Variants in TSPAN18 observed in about 807,000 individuals in gnomAD.
TSPAN18 encodes the protein tetraspanin 18, also known as tetraspanin-18.
TSPAN18 carries 14 observed loss-of-function variants against 27.3 expected under a neutral mutation model. The ratio of observed to expected loss-of-function variants is 0.51; its 90% CI spans 0.34 to 0.80. The LOEUF (loss-of-function observed/expected upper bound fraction) is 0.80. Ranked by LOEUF, TSPAN18 falls within the 30% of genes least tolerant of loss-of-function variation. The probability of loss-of-function intolerance (pLI) is 0.01; values close to 1 mark genes in which losing one functional copy is unlikely to be tolerated. For missense variants in TSPAN18, 268 were observed against 323.9 expected, an observed-to-expected ratio of 0.83 and a Z score of 1.32; for synonymous variants, 143 against 136.5, an observed-to-expected ratio of 1.05 and a Z score of -0.33.
At chr11:44,737,864 ACTC>A (rs1433844255) in intron 1 of TSPAN18, among the ~76,000 whole-genome samples, 2 of 149,990 alleles carry the variant, frequency 1.3e-5, no homozygotes, top group Non-Finnish European at 3.0e-5. Context: ...TAGTTACCTG[ACTC>A]CTCCTCATCC....
intron 2 of TSPAN18, among the ~76,000 whole-genome samples, chr11:44,838,089 C>T (rs948440917): frequency 2.6e-5 from 4 of 152,100 alleles, no homozygotes; most frequent in East Asian, 1.9e-4. Flanking sequence ...ATGTCCCAAT[C>T]GCTGGAACCT....
At chr11:44,903,176 T>G (rs1024202181) in intron 3 of TSPAN18, among the ~76,000 whole-genome samples, 1 of 151,378 alleles carries the variant, frequency 6.6e-6, no homozygotes, top group Non-Finnish European at 1.5e-5. Flanking sequence ...GGGAAGGCAC[T>G]GAGCTTGGCT....
intron 1 of TSPAN18, among the ~76,000 whole-genome samples, chr11:44,754,432 C>T (rs138291977): frequency 3.3e-5 from 5 of 152,308 alleles, no homozygotes; most frequent in East Asian, 1.9e-4. Context: ...ATTGCATCCA[C>T]GTGGAGTTCA....
chr11:44,863,068 C>T (rs1355533059), intron 3 of TSPAN18, among the ~76,000 whole-genome samples: 1 of 152,110 alleles, frequency 6.6e-6, no homozygotes, highest in Non-Finnish European at 1.5e-5. Flanking sequence ...TCAAGACATC[C>T]AAGGTAAAGA....
chr11:44,825,214 A>T (rs185489830), intron 2 of TSPAN18, among the ~76,000 whole-genome samples: 1 of 152,090 alleles, frequency 6.6e-6, no homozygotes, highest in African/African-American at 2.4e-5. Context: ...AAACTGAAGG[A>T]CACGTAGAAG....
chr11:44,923,211 C>T (rs1860210299), intron 8 of TSPAN18, among the ~76,000 whole-genome samples: 3 of 152,094 alleles, frequency 2.0e-5, no homozygotes, highest in South Asian at 2.1e-4. Context: ...TGGAGATGTA[C>T]GTGTGGGAAG....
chr11:44,922,041 G>A (rs574916377), intron 8 of TSPAN18, among the ~76,000 whole-genome samples: 62 of 151,792 alleles, frequency 4.1e-4, no homozygotes, highest in African/African-American at 9.9e-4. Flanking sequence ...ATTTCGTCCC[G>A]TTAAAAATCT....
chr11:44,755,183 G>A (rs897813853), intron 1 of TSPAN18, among the ~76,000 whole-genome samples: 10 of 152,236 alleles, frequency 6.6e-5, no homozygotes, highest in East Asian at 3.9e-4. Flanking sequence ...GGCTCAGATC[G>A]GAAGGCCCAT....
chr11:44,736,578 G>T (rs1451022121), intron 1 of TSPAN18: 1 of 152,138 alleles, frequency 6.6e-6, no homozygotes, highest in African/African-American at 2.4e-5. Flanking sequence ...GAATAGGGGG[G>T]GTCCCTGGGA....
At chr11:44,883,247 T>C (rs1184956751) in intron 3 of TSPAN18, among the ~76,000 whole-genome samples, 1 of 152,238 alleles carries the variant, frequency 6.6e-6, no homozygotes, top group East Asian at 1.9e-4. Context: ...ATGACGAGGC[T>C]GGCTCATCAA....
chr11:44,822,491 C>T (rs2135123965), intron 2 of TSPAN18, among the ~76,000 whole-genome samples: 1 of 151,902 alleles, frequency 6.6e-6, no homozygotes, highest in African/African-American at 2.4e-5. Flanking sequence ...AAAGAGGGCT[C>T]ACTTATTTTC....
rs1483076631 is a variant in TSPAN18 at position 44,807,225 on chromosome 11, AAAAAAAAAAAAG to A, written c.-153+42716_-153+42727del. ...AAAAAAAAAAAAAAAAAAAAAAAAA[AAAAAAAAAAAAG>A]AAGGAAAGAGGCCAGGCACCGTGGC... On this transcript the variant is annotated intron_variant, in intron 2 of 9. Transcript: ENST00000520358. 1.3e-3 allele frequency among the ~76,000 whole-genome samples: 30 copies of A among 23,180 alleles called. 3 individuals are homozygous for A. Among genetic ancestry groups the A allele is most frequent in the African/African-American group, 1.9e-3 (28 of 14,478 alleles). 15.2% of individuals were successfully genotyped at this position (23,180 alleles called of 152,430 possible). A position where few individuals can be genotyped will look rare whatever the true frequency, so the allele number is the denominator to read the frequency against.
At chr11:44,887,751 G>C (rs1393397651) in intron 3 of TSPAN18, among the ~76,000 whole-genome samples, 1 of 152,138 alleles carries the variant, frequency 6.6e-6, no homozygotes, top group Non-Finnish European at 1.5e-5. Context: ...AAAGCCGGAA[G>C]CTCCCTGCAC....
At chr11:44,816,739 G>T (rs1009550250) in intron 2 of TSPAN18, among the ~76,000 whole-genome samples, 6 of 152,234 alleles carry the variant, frequency 3.9e-5, no homozygotes, top group Non-Finnish European at 8.8e-5. Context: ...CCAAATGCAA[G>T]TGAGTGTAGA....
At chr11:44,885,446 C>A (rs889025597) in intron 3 of TSPAN18, among the ~76,000 whole-genome samples, 1 of 152,168 alleles carries the variant, frequency 6.6e-6, no homozygotes, top group African/African-American at 2.4e-5. Flanking sequence ...TTGCCAGCGT[C>A]CTTCCGGGCC....
intron 2 of TSPAN18, among the ~76,000 whole-genome samples, chr11:44,810,264 T>A (rs984392419): frequency 3.9e-5 from 6 of 152,132 alleles, no homozygotes; most frequent in African/African-American, 1.4e-4. Context: ...CATCACCCCT[T>A]ATCCATCAAG....
chr11:44,911,173 G>C (rs1859698006), intron 5 of TSPAN18, among the ~76,000 whole-genome samples: 1 of 152,224 alleles, frequency 6.6e-6, no homozygotes, highest in African/African-American at 2.4e-5. Flanking sequence ...GCGTGGGTGT[G>C]TCTGGGTAAG....
intron 5 of TSPAN18, among the ~76,000 whole-genome samples, chr11:44,916,794 T>G (rs1859927159): frequency 6.6e-6 from 1 of 152,148 alleles, no homozygotes. Flanking sequence ...GGCTGCTGCC[T>G]GGGTGCCTGG....
At chr11:44,846,186 G>A (rs140149706) in intron 2 of TSPAN18, among the ~76,000 whole-genome samples, 3 of 152,252 alleles carry the variant, frequency 2.0e-5, no homozygotes, top group African/African-American at 7.2e-5. Flanking sequence ...GGCTCAGAGG[G>A]GTAAAATGAC....
Sources: allele counts gnomAD v4.1 joint callset (sites outside exome capture counted in the v4.1 genomes callset), GRCh38; gene constraint gnomAD v4.1.1; transcripts MANE v1.5; gene names NCBI Gene and HGNC (gene_info 2026-07-23, HGNC 2026-07-21).